SPAG16: variants seen among roughly 807,000 people sequenced by gnomAD.
The protein encoded by SPAG16 is sperm associated antigen 16, also known as sperm-associated antigen 16 protein.
Under a neutral mutation model 80.4 loss-of-function variants are expected in SPAG16, and 86 were observed. That is an observed-to-expected ratio of 1.07 (90% CI 0.90 to 1.28). The LOEUF (loss-of-function observed/expected upper bound fraction) is 1.28. SPAG16 is among the 50% of genes most tolerant of loss of function. The pLI, the probability that SPAG16 is intolerant of heterozygous loss-of-function variation, is 0.00. For synonymous variants in SPAG16, 294 were observed against 265.9 expected, an observed-to-expected ratio of 1.11 and a Z score of -1.03; for missense variants, 870 against 765.3, an observed-to-expected ratio of 1.14 and a Z score of -1.61.
intron 10 of SPAG16, among the ~76,000 whole-genome samples, chr2:213,847,612 A>C (rs1264552835): frequency 6.6e-6 from 1 of 152,152 alleles, no homozygotes; most frequent in Admixed American, 6.6e-5. Flanking sequence ...ACCAGGCCCC[A>C]CCTTCAGTAT....
rs947662172 is a variant in SPAG16 at position 213,981,988 on chromosome 2, G to A, written c.1401-31963G>A. Among the ~76,000 whole-genome samples the A allele has an allele frequency of 2.6e-5, 4 of 151,638 alleles. 1 individual carries two copies. Among genetic ancestry groups the A allele is most frequent in the African/African-American group, 9.7e-5 (4 of 41,100 alleles). On this transcript the variant is annotated intron_variant, in intron 12 of 15. Coordinates refer to ENST00000331683, the MANE Select transcript of SPAG16 (RefSeq NM_024532.5). The stretch of plus-strand genomic sequence containing the variant: ...ATATTTTTCTGTTTGTAAGGAAAGT[G>A]TAGAGCTTACAACAGAGACATAGAG...
At chr2:213,716,983 C>T (rs181240078) in intron 10 of SPAG16, among the ~76,000 whole-genome samples, 1 of 151,632 alleles carries the variant, frequency 6.6e-6, no homozygotes, top group Admixed American at 6.6e-5. Flanking sequence ...ATTTTTTTTC[C>T]TGATAAAATT....
At chr2:213,802,395 C>T (rs1468890634) in intron 10 of SPAG16, among the ~76,000 whole-genome samples, 1 of 148,020 alleles carries the variant, frequency 6.8e-6, no homozygotes, top group East Asian at 2.0e-4. Flanking sequence ...TGATTCATGT[C>T]TCTATCTATC....
At chr2:213,307,658 A>G (rs899915999) in intron 3 of SPAG16, among the ~76,000 whole-genome samples, 16 of 151,886 alleles carry the variant, frequency 1.1e-4, no homozygotes, top group African/African-American at 3.6e-4. Flanking sequence ...TAATGCAGCA[A>G]TAAACATAGC....
chr2:214,292,441 T>TAC (rs1296981517), intron 15 of SPAG16, among the ~76,000 whole-genome samples: 8 of 152,190 alleles, frequency 5.3e-5, no homozygotes, highest in African/African-American at 1.9e-4. Context: ...TAATCTTGTT[T>TAC]ATTATTGAAG....
intron 15 of SPAG16, among the ~76,000 whole-genome samples, chr2:214,220,601 C>A (rs539142850): frequency 3.9e-5 from 6 of 152,178 alleles, no homozygotes; most frequent in African/African-American, 1.2e-4. Flanking sequence ...GTACATATCA[C>A]TAATATGGAA....
At chr2:214,212,740 A>G (rs2058328927) in intron 15 of SPAG16, among the ~76,000 whole-genome samples, 1 of 152,236 alleles carries the variant, frequency 6.6e-6, no homozygotes, top group Admixed American at 6.5e-5. Context: ...AGATGAACCA[A>G]AAAAGTCTTT....
intron 10 of SPAG16, among the ~76,000 whole-genome samples, chr2:213,549,308 AT>A (rs1374655865): frequency 6.6e-6 from 1 of 152,100 alleles, no homozygotes; most frequent in East Asian, 1.9e-4. Context: ...TAAATTACAG[AT>A]TTTATTTGAT....
At chr2:214,262,797 G>A (rs946866810) in intron 15 of SPAG16, among the ~76,000 whole-genome samples, 2 of 151,966 alleles carry the variant, frequency 1.3e-5, no homozygotes, top group Admixed American at 6.6e-5. Context: ...GAATAATGAC[G>A]CATTGCTCTA....
chr2:213,785,099 G>A (rs1393728850), intron 10 of SPAG16, among the ~76,000 whole-genome samples: 1 of 152,066 alleles, frequency 6.6e-6, no homozygotes, highest in Non-Finnish European at 1.5e-5. Flanking sequence ...CGTATATAAT[G>A]TAAACAGTTA....
chr2:213,366,510 C>T (rs759258913), intron 8 of SPAG16, among the ~76,000 whole-genome samples: 1 of 152,066 alleles, frequency 6.6e-6, no homozygotes, highest in Non-Finnish European at 1.5e-5. Context: ...GCAAAGGCAC[C>T]TCTTAGATGG....
At chr2:214,347,335 A>C (rs1283645504) in intron 15 of SPAG16, among the ~76,000 whole-genome samples, 1 of 119,312 alleles carries the variant, frequency 8.4e-6, no homozygotes, top group East Asian at 2.3e-4. Flanking sequence ...TGAACTAAAG[A>C]ACAAAATATT....
intron 12 of SPAG16, among the ~76,000 whole-genome samples, chr2:213,971,534 G>A (rs10204975): frequency 0.36 from 54,241 of 151,798 alleles, 9,951 homozygotes; most frequent in South Asian, 0.47. Context: ...CATTTTAAAC[G>A]TAGAGTTTTC....
rs201849245 is a variant in SPAG16 at position 213,833,431 on chromosome 2, ATG to A, written c.1071-29044_1071-29043del. Among the ~76,000 whole-genome samples, 241 of 29,816 alleles carry A rather than the reference ATG, an allele frequency of 8.1e-3. 6 individuals carry two copies. The highest frequency in any genetic ancestry group is 0.015 in the Admixed American group (22 of 1,422). 19.6% of individuals were successfully genotyped at this position (29,816 alleles called of 152,430 possible). A position where few individuals can be genotyped will look rare whatever the true frequency, so the allele number is the denominator to read the frequency against. On this transcript the variant is annotated intron_variant, in intron 10 of 15. Coordinates refer to ENST00000331683, the MANE Select transcript of SPAG16 (RefSeq NM_024532.5). ...TGTGTATGTATGTATGTATCTATGT[ATG>A]TGTGTGTGTATATATATATATTATA...
In SPAG16 at chr2:214,042,007, T is replaced by C. The variant is rs35072219; in HGVS notation, c.1527+27930T>C. ...ATATATATATATATATATATATATA[T>C]ACACACACACACAAATATATACACA... On this transcript the variant is annotated intron_variant, in intron 13 of 15. Coordinates refer to ENST00000331683, the MANE Select transcript of SPAG16 (RefSeq NM_024532.5). 8.5e-3 allele frequency among the ~76,000 whole-genome samples: 861 copies of C among 101,128 alleles called. 6 individuals carry two copies. The highest frequency in any genetic ancestry group is 0.057 in the East Asian group (110 of 1,932). The allele number at this position is 101,128 out of a possible 152,430, so 66.3% of individuals were successfully genotyped here. A position where few individuals can be genotyped will look rare whatever the true frequency, so the allele number is the denominator to read the frequency against.
intron 15 of SPAG16, among the ~76,000 whole-genome samples, chr2:214,166,547 C>T (rs2056663631): frequency 6.6e-6 from 1 of 152,174 alleles, no homozygotes; most frequent in African/African-American, 2.4e-5. Flanking sequence ...AGCCTAGTGT[C>T]AGTAACAACT....
chr2:213,728,585 G>C (rs1232058479), intron 10 of SPAG16, among the ~76,000 whole-genome samples: 2 of 151,998 alleles, frequency 1.3e-5, no homozygotes. Flanking sequence ...ACAAAAAGGA[G>C]ATGATGGTGG....
chr2:213,715,246 A>ATCTG (rs1214045632), intron 10 of SPAG16, among the ~76,000 whole-genome samples: 4 of 148,888 alleles, frequency 2.7e-5, no homozygotes, highest in African/African-American at 7.3e-5. Flanking sequence ...CTATCTATCT[A>ATCTG]TCTATCTATC....
intron 10 of SPAG16, among the ~76,000 whole-genome samples, chr2:213,719,842 T>C (rs986028687): frequency 3.9e-5 from 6 of 152,156 alleles, no homozygotes; most frequent in Non-Finnish European, 7.3e-5. Context: ...ACTGAGTATA[T>C]ACCCAAAGGA....
Sources: gnomAD v4.1 joint callset for allele counts (sites outside exome capture counted in the v4.1 genomes callset) on GRCh38, gnomAD v4.1.1 for gene constraint, MANE v1.5 for transcripts, NCBI Gene and HGNC (gene_info 2026-07-23, HGNC 2026-07-21) for gene names.